TUSC3: variants seen among roughly 807,000 people sequenced by gnomAD.
TUSC3 encodes the protein dolichyl-diphosphooligosaccharide--protein glycosyltransferase subunit TUSC3.
TUSC3 carries 45 observed loss-of-function variants against 44.8 expected under a neutral mutation model. That is an observed-to-expected ratio of 1.00 (90% CI 0.79 to 1.29). The LOEUF (loss-of-function observed/expected upper bound fraction) is 1.29. Ranked by LOEUF, TUSC3 falls within the 50% of genes most tolerant of loss-of-function variation. The probability of loss-of-function intolerance (pLI) is 0.00; values close to 1 mark genes in which losing one functional copy is unlikely to be tolerated. For missense variants in TUSC3, 519 were observed against 437.9 expected (o/e 1.19, Z -1.65); for synonymous variants, 212 against 152.9 (o/e 1.39, Z -2.85).
downstream of TUSC3, among the ~76,000 whole-genome samples, chr8:15,770,436 T>C (rs1177061485): frequency 6.6e-6 from 1 of 151,886 alleles, no homozygotes; most frequent in Non-Finnish European, 1.5e-5. Flanking sequence ...AGAGATAGCA[T>C]TAGGAGAAAT....
the TUSC3 span, among the ~76,000 whole-genome samples, chr8:15,785,629 C>G: frequency 6.6e-6 from 1 of 152,032 alleles, no homozygotes; most frequent in East Asian, 1.9e-4. Context: ...CAACACCTCT[C>G]CACTCCCTTA....
intron 1 of TUSC3, among the ~76,000 whole-genome samples, chr8:15,540,878 G>A (rs1417343595): frequency 6.6e-6 from 1 of 152,224 alleles, no homozygotes; most frequent in Non-Finnish European, 1.5e-5. Flanking sequence ...ACTAAAAGGG[G>A]TGTGTTGGAT....
rs367932724 is a variant in TUSC3, at chr8:15,427,075, G to GTT, written n.91+9772_91+9773dup. On this transcript the variant is annotated intron_variant and non_coding_transcript_variant, in intron 1 of 5. Coordinates refer to the TUSC3 transcript ENST00000503191. ...AATTAGTTTTTGTTTGTTGTTTGGT[G>GTT]TTTGTTTTTTTTTTGCCATTGATTT... 5.0e-3 allele frequency among the ~76,000 whole-genome samples: 723 copies of GTT among 145,994 alleles called. 7 individuals are homozygous for GTT. Among genetic ancestry groups the GTT allele is most frequent in the African/African-American group, 0.016 (642 of 39,672 alleles).
intron 1 of TUSC3, among the ~76,000 whole-genome samples, chr8:15,582,809 C>G (rs1803428237): frequency 6.6e-6 from 1 of 152,206 alleles, no homozygotes; most frequent in Admixed American, 6.5e-5. Context: ...CACTCACCAC[C>G]TCCCCAGAAC....
chr8:15,806,484 C>T, the TUSC3 span: 1 of 958,244 alleles, frequency 1.0e-6, no homozygotes, highest in Admixed American at 1.7e-5. Context: ...CAGGTGTCGA[C>T]TATTTCATTG....
intron 6 of TUSC3, among the ~76,000 whole-genome samples, chr8:15,701,425 T>C (rs1035898924): frequency 1.3e-5 from 2 of 152,166 alleles, no homozygotes; most frequent in Non-Finnish European, 2.9e-5. Flanking sequence ...TGTATGTGTG[T>C]ATTTTTTACT....
the TUSC3 span, among the ~76,000 whole-genome samples, chr8:15,846,132 G>T: frequency 1.3e-5 from 2 of 152,162 alleles, no homozygotes; most frequent in African/African-American, 2.4e-5. Context: ...CCCACAACAT[G>T]TGGGAATTCT....
chr8:15,698,754 T>C lies in TUSC3; in HGVS notation c.798+24918T>C, dbSNP rs186189381. Among the ~76,000 whole-genome samples, 5 of 152,348 alleles carry C rather than the reference T, an allele frequency of 3.3e-5. No individual in the cohort carries two copies. The East Asian group carries it at 9.6e-4, about 29-fold the overall frequency. ...TTTGATACATCTTCATTATGCTCTT[T>C]TATTGCTTATAAATAGAAATCATTA... On this transcript the variant is annotated intron_variant, in intron 6 of 10. Coordinates refer to ENST00000503731, the MANE Select transcript of TUSC3 (RefSeq NM_006765.4).
intron 6 of TUSC3, among the ~76,000 whole-genome samples, chr8:15,679,150 G>A (rs1199618039): frequency 6.6e-6 from 1 of 152,132 alleles, no homozygotes; most frequent in Non-Finnish European, 1.5e-5. Flanking sequence ...TAGAATGGCA[G>A]TTCTAATTTT....
chr8:15,636,291 T>TG (rs1273169173), intron 2 of TUSC3, among the ~76,000 whole-genome samples: 1 of 152,054 alleles, frequency 6.6e-6, no homozygotes, highest in Non-Finnish European at 1.5e-5. Flanking sequence ...GCCATTAACT[T>TG]TGAGTTGGGT....
At chr8:15,770,605 G>C (rs1402856144), downstream of TUSC3, among the ~76,000 whole-genome samples, 2 of 149,062 alleles carry the variant, frequency 1.3e-5, no homozygotes, top group Non-Finnish European at 3.0e-5. Flanking sequence ...TGAAAAATAT[G>C]ATCTTAAAAT....
intron 1 of TUSC3, among the ~76,000 whole-genome samples, chr8:15,462,436 A>T (rs1800358379): frequency 6.6e-6 from 1 of 152,108 alleles, no homozygotes; most frequent in African/African-American, 2.4e-5. Context: ...ACACTCATAG[A>T]CTAAAGGAAT....
intron 1 of TUSC3, among the ~76,000 whole-genome samples, chr8:15,431,601 G>T (rs186852049): frequency 1.3e-5 from 2 of 151,684 alleles, no homozygotes; most frequent in East Asian, 3.9e-4. Context: ...TCTATATATA[G>T]GATTATGTCT....
At chr8:15,620,538 AT>A (rs1379808883) in intron 1 of TUSC3, among the ~76,000 whole-genome samples, 3 of 152,182 alleles carry the variant, frequency 2.0e-5, no homozygotes, top group African/African-American at 7.2e-5. Flanking sequence ...TATTTGCCTA[AT>A]TCTGAAGGAA....
chr8:15,792,992 G>A, the TUSC3 span, among the ~76,000 whole-genome samples: 1 of 151,812 alleles, frequency 6.6e-6, no homozygotes, highest in East Asian at 1.9e-4. Flanking sequence ...TGTTTCTCTG[G>A]GGGAAAACAA....
intron 2 of TUSC3, among the ~76,000 whole-genome samples, chr8:15,649,285 T>C (rs551241611): frequency 5.9e-5 from 9 of 152,168 alleles, no homozygotes; most frequent in African/African-American, 1.9e-4. Context: ...TGGTCTACTA[T>C]TGAGTATTAA....
intron 3 of TUSC3, among the ~76,000 whole-genome samples, chr8:15,655,475 G>A (rs948276657): frequency 6.6e-6 from 1 of 152,210 alleles, no homozygotes; most frequent in Admixed American, 6.5e-5. Context: ...AATCAAGGGG[G>A]AAGAGACAAA....
chr8:15,519,482 A>T (rs942404787), intron 2 of TUSC3, among the ~76,000 whole-genome samples: 6 of 152,102 alleles, frequency 3.9e-5, no homozygotes, highest in Non-Finnish European at 5.9e-5. Context: ...GCCTATTAGG[A>T]ACCAGGCCAC....
intron 6 of TUSC3, among the ~76,000 whole-genome samples, chr8:15,718,426 T>A (rs1810148320): frequency 6.6e-6 from 1 of 152,134 alleles, no homozygotes; most frequent in Non-Finnish European, 1.5e-5. Flanking sequence ...TATTGACATT[T>A]ATGTGTACAG....
Sources: gnomAD v4.1 joint callset for allele counts (sites outside exome capture counted in the v4.1 genomes callset) on GRCh38, gnomAD v4.1.1 for gene constraint, MANE v1.5 for transcripts, NCBI Gene and HGNC (gene_info 2026-07-23, HGNC 2026-07-21) for gene names.